KIF6: variants seen among roughly 807,000 people sequenced by gnomAD.
The protein encoded by KIF6 is kinesin family member 6, also known as kinesin-like protein KIF6.
In KIF6, 106 loss-of-function variants were observed where a neutral mutation model predicts 112.7. That is an observed-to-expected ratio of 0.94 (90% CI 0.80 to 1.11). The LOEUF (loss-of-function observed/expected upper bound fraction) is 1.11. Ranked by LOEUF, KIF6 falls within the 50% of genes least tolerant of loss-of-function variation. The pLI is 0.00. For missense variants in KIF6, 929 were observed against 964.0 expected (o/e 0.96, Z 0.48); for synonymous variants, 339 against 339.9 (o/e 1.00, Z 0.03).
chr6:39,556,595 C>A (rs1779722650), intron 10 of KIF6, among the ~76,000 whole-genome samples: 3 of 151,976 alleles, frequency 2.0e-5, no homozygotes, highest in Admixed American at 2.0e-4. Context: ...AGAACAGGGG[C>A]CAGAGATCAA....
intron 16 of KIF6, among the ~76,000 whole-genome samples, chr6:39,382,030 G>C (rs1347211095): frequency 6.6e-6 from 1 of 152,196 alleles, no homozygotes; most frequent in East Asian, 1.9e-4. Flanking sequence ...TCCCTGGGAG[G>C]GGTGGGGACT....
At chr6:39,433,240 G>A (rs1289165403) in intron 13 of KIF6, among the ~76,000 whole-genome samples, 1 of 152,202 alleles carries the variant, frequency 6.6e-6, no homozygotes, top group Admixed American at 6.5e-5. Flanking sequence ...ATGAAAACAC[G>A]AAACAACATG....
At position 39,590,501 on chromosome 6, in the gene KIF6, G is replaced by A. The variant is rs532048630; in HGVS notation, c.847-4097C>T. ...GGTTTCACTCTTGTTGCCCAGGCTG[G>A]AGTGTAATAGCACAACCTGGGCTCA... On this transcript the variant is annotated intron_variant, in intron 7 of 22. Transcript: ENST00000287152. 9.6e-5 allele frequency among the ~76,000 whole-genome samples: 14 copies of A among 145,728 alleles called. No homozygotes were observed. The South Asian group carries it at 1.5e-3, about 16-fold the overall frequency.
Position 39,498,829 on chromosome 6 carries a change from T to C in KIF6, c.1645+41174A>G, listed in dbSNP as rs137898156. Among the ~76,000 whole-genome samples the C allele has an allele frequency of 3.9e-3, 589 of 152,262 alleles. 4 individuals carry two copies. The highest frequency in any genetic ancestry group is 0.014 in the African/African-American group (563 of 41,548). ...TAAAAAACAGCTAGTAAGGGAAAAT[T>C]TGACTAGCGTACTTACTGAAAGTGA... is the stretch of plus-strand genomic sequence containing the variant. On this transcript the variant is annotated intron_variant, in intron 13 of 22. Transcript: ENST00000287152.
intron 10 of KIF6, among the ~76,000 whole-genome samples, chr6:39,576,591 C>T (rs1561828168): frequency 6.6e-6 from 1 of 152,186 alleles, no homozygotes; most frequent in African/African-American, 2.4e-5. Context: ...GGATGTTCCT[C>T]TGGACAGTGT....
At chr6:39,566,174 T>A (rs1333855578) in intron 10 of KIF6, among the ~76,000 whole-genome samples, 1 of 152,262 alleles carries the variant, frequency 6.6e-6, no homozygotes, top group African/African-American at 2.4e-5. Context: ...GATATGAGTA[T>A]GTGCATATAC....
chr6:39,601,407 A>C (rs181236750), intron 6 of KIF6, among the ~76,000 whole-genome samples: 1 of 152,220 alleles, frequency 6.6e-6, no homozygotes, highest in Non-Finnish European at 1.5e-5. Context: ...ATATTTGATT[A>C]ATGCCAATCC....
At chr6:39,533,546 G>A (rs894965588) in intron 13 of KIF6, among the ~76,000 whole-genome samples, 2 of 152,242 alleles carry the variant, frequency 1.3e-5, no homozygotes, top group African/African-American at 4.8e-5. Context: ...AGTTCAAGGA[G>A]GCCTGCCTGC....
At chr6:39,460,683 T>C (rs1488220257) in intron 13 of KIF6, among the ~76,000 whole-genome samples, 1 of 152,100 alleles carries the variant, frequency 6.6e-6, no homozygotes, top group Non-Finnish European at 1.5e-5. Context: ...TTTACCATAT[T>C]GAGAGAAAAC....
At chr6:39,632,565 T>C (rs760883647) in intron 5 of KIF6, among the ~76,000 whole-genome samples, 34 of 151,536 alleles carry the variant, frequency 2.2e-4, no homozygotes, top group Non-Finnish European at 4.4e-4. Flanking sequence ...ATAGCACATA[T>C]GCTTAATCAA....
chr6:39,691,589 C>T (rs1788210887), intron 3 of KIF6: 1 of 152,076 alleles, frequency 6.6e-6, no homozygotes, highest in Admixed American at 6.6e-5. Flanking sequence ...ATATAAATGA[C>T]AATCTTATAA....
At chr6:39,520,509 A>T (rs1003306165) in intron 13 of KIF6, among the ~76,000 whole-genome samples, 1 of 152,206 alleles carries the variant, frequency 6.6e-6, no homozygotes, top group Non-Finnish European at 1.5e-5. Context: ...ACTAAAATGC[A>T]GTAGAATAAC....
At chr6:39,537,310 G>T (rs1778498334) in intron 13 of KIF6, among the ~76,000 whole-genome samples, 2 of 152,258 alleles carry the variant, frequency 1.3e-5, no homozygotes, top group South Asian at 4.2e-4. Flanking sequence ...TGTATATCTA[G>T]AAAACCCCAT....
At chr6:39,611,728 T>C (rs573958339) in intron 6 of KIF6, among the ~76,000 whole-genome samples, 1 of 152,336 alleles carries the variant, frequency 6.6e-6, no homozygotes, top group East Asian at 1.9e-4. Flanking sequence ...ATCTCCTCGT[T>C]TGCTGTTTAT....
intron 13 of KIF6, among the ~76,000 whole-genome samples, chr6:39,456,336 C>T (rs1370177000): frequency 6.3e-5 from 8 of 127,090 alleles, no homozygotes; most frequent in East Asian, 2.2e-4. Flanking sequence ...ATTTTGTCAC[C>T]GCCAGGCCTG....
intron 10 of KIF6, chr6:39,554,980 C>A (rs1037372718): frequency 2.4e-5 from 4 of 164,434 alleles, no homozygotes; most frequent in East Asian, 1.7e-4. Flanking sequence ...GAGACACAGA[C>A]TGTCTGACCT....
At chr6:39,721,263 T>C (rs1214057351) in intron 1 of KIF6, among the ~76,000 whole-genome samples, 1 of 152,188 alleles carries the variant, frequency 6.6e-6, no homozygotes, top group Non-Finnish European at 1.5e-5. Flanking sequence ...TCACCAAGAA[T>C]GCTCTAATTC....
chr6:39,393,132 A>G (rs902722316), intron 15 of KIF6, among the ~76,000 whole-genome samples: 7 of 152,178 alleles, frequency 4.6e-5, no homozygotes, highest in African/African-American at 1.7e-4. Context: ...GTCAACGTGA[A>G]TTTTATTCAT....
At chr6:39,523,392 G>A (rs559724814) in intron 13 of KIF6, among the ~76,000 whole-genome samples, 5 of 151,702 alleles carry the variant, frequency 3.3e-5, no homozygotes, top group South Asian at 2.1e-4. Flanking sequence ...AAGCCAGAAC[G>A]GCTCCCTACT....
Sources: allele counts gnomAD v4.1 joint callset (sites outside exome capture counted in the v4.1 genomes callset), GRCh38; gene constraint gnomAD v4.1.1; transcripts MANE v1.5; gene names NCBI Gene and HGNC (gene_info 2026-07-23, HGNC 2026-07-21).